Variants in CSRNP3 observed in about 807,000 individuals in gnomAD.
The protein encoded by CSRNP3 is cysteine and serine rich nuclear protein 3.
Under a neutral mutation model 48.0 loss-of-function variants are expected in CSRNP3, and 12 were observed. The ratio of observed to expected loss-of-function variants is 0.25; its 90% confidence interval spans 0.16 to 0.41. CSRNP3 has a LOEUF of 0.41. CSRNP3 is among the 10% of genes least tolerant of loss of function. CSRNP3 has a pLI of 1.00. For missense variants in CSRNP3, 580 were observed against 724.4 expected (o/e 0.80, Z 2.29); for synonymous variants, 263 against 269.7 (o/e 0.98, Z 0.24).
At chr2:165,526,440 G>A (rs190426500) in intron 3 of CSRNP3, among the ~76,000 whole-genome samples, 44 of 152,108 alleles carry the variant, frequency 2.9e-4, no homozygotes, top group African/African-American at 1.1e-3. Flanking sequence ...ATCTCATTAG[G>A]ATAATTGGCA....
Position 165,485,595 on chromosome 2 carries a change from T to A in CSRNP3, c.-282-9164T>A, listed in dbSNP as rs112908271. Among the ~76,000 whole-genome samples the A allele has an allele frequency of 6.0e-4, 92 of 152,272 alleles. No individual in the cohort carries two copies. The East Asian group carries it at 7.1e-3, about 12-fold the overall frequency. On this transcript the variant is annotated intron_variant, in intron 1 of 6. Transcript: ENST00000651982. ...AAACAGGGTCAACCCAGAGCCAGAG[T>A]CCTATAGTCCCTATTGTAGCAGGTA...
intron 1 of CSRNP3, among the ~76,000 whole-genome samples, chr2:165,487,562 T>A (rs1177865377): frequency 1.6e-4 from 24 of 147,774 alleles, no homozygotes; most frequent in African/African-American, 6.2e-4. Context: ...CGGGTTACCC[T>A]CAAAGGGAAG....
At chr2:165,623,543 A>G (rs913556133) in intron 4 of CSRNP3, among the ~76,000 whole-genome samples, 1 of 152,206 alleles carries the variant, frequency 6.6e-6, no homozygotes, top group Non-Finnish European at 1.5e-5. Context: ...AAGGATGTGC[A>G]TAGGTTCAAT....
At chr2:165,609,753 C>T (rs1686104453) in intron 4 of CSRNP3, among the ~76,000 whole-genome samples, 1 of 152,060 alleles carries the variant, frequency 6.6e-6, no homozygotes, top group South Asian at 2.1e-4. Context: ...GAGTAGGTCT[C>T]CAGACAAAAG....
At chr2:165,595,328 A>G in intron 4 of CSRNP3, 115 bp downstream of exon 4, 2 of 963,910 alleles carry the variant, frequency 2.1e-6, no homozygotes, top group Non-Finnish European at 3.1e-6. Flanking sequence ...TCAACCAAAT[A>G]CAAAGAACAC....
At chr2:165,515,791 C>G (rs998272138) in intron 2 of CSRNP3, among the ~76,000 whole-genome samples, 1 of 138,834 alleles carries the variant, frequency 7.2e-6, no homozygotes, top group African/African-American at 2.7e-5. Flanking sequence ...ATATCTTTTT[C>G]TTTTCCTTTC....
intron 4 of CSRNP3, among the ~76,000 whole-genome samples, chr2:165,601,913 T>G (rs114422682): frequency 3.8e-4 from 58 of 152,320 alleles, no homozygotes; most frequent in African/African-American, 1.4e-3. Context: ...CATTGAAGAT[T>G]TAGATTTAAT....
chr2:165,511,651 T>C (rs938758032), intron 2 of CSRNP3, among the ~76,000 whole-genome samples: 1 of 152,104 alleles, frequency 6.6e-6, no homozygotes, highest in Non-Finnish European at 1.5e-5. Flanking sequence ...AGCAGTATCA[T>C]GAACTGAGAG....
intron 2 of CSRNP3, among the ~76,000 whole-genome samples, chr2:165,514,146 T>C (rs992819217): frequency 2.0e-5 from 3 of 152,270 alleles, no homozygotes; most frequent in African/African-American, 7.2e-5. Context: ...ATCAGTCTTC[T>C]ACAAGTTTTA....
At chr2:165,581,009 G>A (rs149311089) in intron 3 of CSRNP3, among the ~76,000 whole-genome samples, 131 of 152,214 alleles carry the variant, frequency 8.6e-4, no homozygotes, top group Non-Finnish European at 1.4e-3. Flanking sequence ...GGGAAAAGTA[G>A]GCTTACACTA....
intron 5 of CSRNP3, among the ~76,000 whole-genome samples, chr2:165,668,909 C>T (rs1433883948): frequency 2.0e-5 from 3 of 152,088 alleles, no homozygotes; most frequent in African/African-American, 7.2e-5. Flanking sequence ...TCAAATAAAC[C>T]TAAGTTTGAT....
chr2:165,522,665 G>A (rs572930560), intron 3 of CSRNP3, among the ~76,000 whole-genome samples: 1 of 151,866 alleles, frequency 6.6e-6, no homozygotes, highest in South Asian at 2.1e-4. Flanking sequence ...GGTTACAAAT[G>A]TAATAAACTC....
intron 5 of CSRNP3, among the ~76,000 whole-genome samples, chr2:165,661,312 A>G (rs1460821623): frequency 2.0e-5 from 3 of 152,228 alleles, no homozygotes. Context: ...TGAAAAATGC[A>G]TTTAATACAC....
chr2:165,641,801 A>G (rs1052971608), intron 4 of CSRNP3, among the ~76,000 whole-genome samples: 1 of 152,196 alleles, frequency 6.6e-6, no homozygotes. Flanking sequence ...AAATTTTTTG[A>G]GAAGTGCTCT....
Position 165,679,291 on chromosome 2 carries a change from T to C in CSRNP3, c.1296T>C (p.Ser432=). 1.4e-5 allele frequency: 23 copies of C among 1,613,960 alleles called. No homozygotes were observed. Among genetic ancestry groups the C allele is most frequent in the Non-Finnish European group, 1.9e-5 (23 of 1,179,962 alleles). Residue 432 remains serine (S), a synonymous_variant, in exon 7 of 7, where the codon TCT becomes TCC. Transcript: ENST00000651982. ...HAKNASFYAN[S]STLYYQIDSH... is the part of the protein sequence containing the mutation. ...AGAATGCTTCTTTTTATGCCAACTC[T>C]TCAACTCTGTATTACCAAATAGATA...
chr2:165,583,649 T>C (rs1685581802), intron 3 of CSRNP3, among the ~76,000 whole-genome samples: 1 of 152,188 alleles, frequency 6.6e-6, no homozygotes, highest in Non-Finnish European at 1.5e-5. Context: ...ACATAGTAGA[T>C]CTATTTAAGT....
At chr2:165,666,019 AAG>A (rs1228053678) in intron 5 of CSRNP3, among the ~76,000 whole-genome samples, 14 of 124,780 alleles carry the variant, frequency 1.1e-4, no homozygotes, top group African/African-American at 2.5e-4. Context: ...GGAAGAAAGA[AAG>A]AGAGAGAGAG....
Position 165,665,533 on chromosome 2 carries a change from G to A in CSRNP3, c.408+7513G>A, listed in dbSNP as rs147750723. Among the ~76,000 whole-genome samples, 621 of 152,212 alleles carry A rather than the reference G, an allele frequency of 4.1e-3. 6 individuals carry two copies. The highest frequency in any genetic ancestry group is 0.014 in the African/African-American group (589 of 41,530). ...CCCAGCACTTTGGGAGGCAGAGGCTGGAGAATTGCTGGAGGCCGGGAGTTA... is the reference window on the plus strand; with the variant it reads ...CCCAGCACTTTGGGAGGCAGAGGCTAGAGAATTGCTGGAGGCCGGGAGTTA... On this transcript the variant is annotated intron_variant, in intron 5 of 6. Coordinates refer to ENST00000651982, the MANE Select transcript of CSRNP3 (RefSeq NM_001172173.2).
chr2:165,495,797 A>C (rs539340909), intron 2 of CSRNP3, among the ~76,000 whole-genome samples: 1 of 152,192 alleles, frequency 6.6e-6, no homozygotes, highest in Admixed American at 6.6e-5. Flanking sequence ...AAAATTATTC[A>C]ACATAAAAGA....
Sources: allele counts gnomAD v4.1 joint callset (sites outside exome capture counted in the v4.1 genomes callset), GRCh38; gene constraint gnomAD v4.1.1; transcripts MANE v1.5; gene names NCBI Gene and HGNC (gene_info 2026-07-23, HGNC 2026-07-21).